The following PRKCA variants were observed in gnomAD, a reference collection of about 807,000 sequenced individuals.
PRKCA encodes protein kinase C alpha.
A neutral mutation model predicts 87.0 loss-of-function variants in PRKCA; 27 were observed. That is an observed-to-expected ratio of 0.31 (90% CI 0.23 to 0.43). The LOEUF (loss-of-function observed/expected upper bound fraction) is 0.43. PRKCA is among the 20% of genes least tolerant of loss of function. The pLI, the probability that PRKCA is intolerant of heterozygous loss-of-function variation, is 1.00. For synonymous variants in PRKCA, 329 were observed against 311.1 expected (o/e 1.06, Z -0.61); for missense variants, 518 against 852.3 (o/e 0.61, Z 4.88).
intron 5 of PRKCA, among the ~76,000 whole-genome samples, chr17:66,674,072 C>G (rs985778670): frequency 1.3e-5 from 2 of 152,182 alleles, no homozygotes; most frequent in African/African-American, 4.8e-5. Flanking sequence ...GTTAGCATTC[C>G]GGTCATTCAG....
rs148367198 is a variant in PRKCA at position 66,440,736 on chromosome 17, A to G, written c.206-55465A>G. Among the ~76,000 whole-genome samples, 464 of 152,218 alleles carry G rather than the reference A, an allele frequency of 3.0e-3. 3 individuals carry two copies. The highest frequency in any genetic ancestry group is 0.01 in the African/African-American group (427 of 41,544). On this transcript the variant is annotated intron_variant, in intron 2 of 16. Coordinates refer to ENST00000413366, the MANE Select transcript of PRKCA (RefSeq NM_002737.3). The stretch of plus-strand genomic sequence containing the variant: ...GACACTCTTCAAGATCCCAGCACTT[A>G]AAAGATTGGTTGGGCATGATGACTC...
intron 2 of PRKCA, among the ~76,000 whole-genome samples, chr17:66,310,916 A>G (rs1208041846): frequency 6.6e-6 from 1 of 152,206 alleles, no homozygotes; most frequent in Non-Finnish European, 1.5e-5. Context: ...GAGGTAGGCC[A>G]GATTGAGCAG....
intron 12 of PRKCA, among the ~76,000 whole-genome samples, chr17:66,742,132 A>G (rs1309864313): frequency 1.3e-5 from 2 of 152,204 alleles, no homozygotes; most frequent in Non-Finnish European, 2.9e-5. Context: ...CTGTGCTGAA[A>G]GTCTGGTGCC....
intron 3 of PRKCA, among the ~76,000 whole-genome samples, chr17:66,595,358 C>T (rs1408147940): frequency 3.3e-5 from 5 of 151,890 alleles, no homozygotes; most frequent in African/African-American, 1.2e-4. Context: ...TTCGCAAGTA[C>T]ATCAGTCGTT....
chr17:66,458,342 C>T (rs1321410204), intron 2 of PRKCA, among the ~76,000 whole-genome samples: 2 of 152,126 alleles, frequency 1.3e-5, no homozygotes, highest in Admixed American at 1.3e-4. Context: ...AAAAAGTCTA[C>T]AGCTTCCTGG....
At chr17:66,316,881 G>A (rs967504814) in intron 2 of PRKCA, among the ~76,000 whole-genome samples, 4 of 152,086 alleles carry the variant, frequency 2.6e-5, no homozygotes, top group Non-Finnish European at 5.9e-5. Flanking sequence ...GGTGGCTCAC[G>A]CCTGTAATCC....
At position 66,630,171 on chromosome 17, in the gene PRKCA, A is replaced by G. The variant is rs867128942; in HGVS notation, c.289-11184A>G. ...CCAATTGAATGGGCAAAGAAATACAATATTTGAATGACTTTTTCCTTAGAG... is the reference window on the plus strand; with the variant it reads ...CCAATTGAATGGGCAAAGAAATACAGTATTTGAATGACTTTTTCCTTAGAG... On this transcript the variant is annotated intron_variant, in intron 3 of 16. Coordinates refer to ENST00000413366, the MANE Select transcript of PRKCA (RefSeq NM_002737.3). Among the ~76,000 whole-genome samples the G allele has an allele frequency of 3.3e-5, 5 of 152,364 alleles. No homozygotes were observed. The South Asian group carries it at 1.0e-3, about 32-fold the overall frequency.
intron 2 of PRKCA, among the ~76,000 whole-genome samples, chr17:66,341,211 G>C (rs1907023166): frequency 6.6e-6 from 1 of 152,092 alleles, no homozygotes; most frequent in Non-Finnish European, 1.5e-5. Context: ...CAAATTTTGG[G>C]ATATGGCAAG....
intron 3 of PRKCA, among the ~76,000 whole-genome samples, chr17:66,589,829 A>G (rs937795198): frequency 1.1e-4 from 16 of 151,992 alleles, no homozygotes; most frequent in African/African-American, 2.7e-4. Context: ...ATGGAAGACA[A>G]TTTTTCCATG....
intron 2 of PRKCA, among the ~76,000 whole-genome samples, chr17:66,335,751 A>T (rs940712006): frequency 1.1e-4 from 16 of 152,092 alleles, no homozygotes; most frequent in Non-Finnish European, 2.2e-4. Flanking sequence ...ATTTTTAGCC[A>T]CTGTCATTTT....
At position 66,373,938 on chromosome 17, in the gene PRKCA, G is replaced by A. The variant is rs1043545095; in HGVS notation, c.205+67811G>A. Among the ~76,000 whole-genome samples, 11 of 152,148 alleles carry A rather than the reference G, an allele frequency of 7.2e-5. No homozygotes were observed. The East Asian group carries it at 1.7e-3, about 24-fold the overall frequency. ...GAGTTAATAAGGAGCCCAGTGCACC[G>A]GTGATCAGCTACTTTATTTCCAGAA... On this transcript the variant is annotated intron_variant, in intron 2 of 16. Coordinates refer to ENST00000413366, the MANE Select transcript of PRKCA (RefSeq NM_002737.3).
At chr17:66,769,263 G>A (rs904746148) in intron 13 of PRKCA, among the ~76,000 whole-genome samples, 6 of 152,124 alleles carry the variant, frequency 3.9e-5, no homozygotes, top group Admixed American at 3.3e-4. Context: ...GAGGCTGGGT[G>A]GGAGGATTGC....
At chr17:66,658,129 G>A (rs991160896) in intron 5 of PRKCA, among the ~76,000 whole-genome samples, 1 of 152,148 alleles carries the variant, frequency 6.6e-6, no homozygotes, top group Non-Finnish European at 1.5e-5. Context: ...TCTTCACGTG[G>A]CGGCAGGAAG....
In PRKCA at chr17:66,372,648, G is replaced by A. The variant is rs542854301; in HGVS notation, c.205+66521G>A. Among the ~76,000 whole-genome samples, 8 of 152,222 alleles carry A rather than the reference G, an allele frequency of 5.3e-5. No individual in the cohort carries two copies. The East Asian group carries it at 1.5e-3, about 29-fold the overall frequency. On this transcript the variant is annotated intron_variant, in intron 2 of 16. Coordinates refer to ENST00000413366, the MANE Select transcript of PRKCA (RefSeq NM_002737.3). The stretch of plus-strand genomic sequence containing the variant: ...AACTATGTAAGTATATTCTTTTTCA[G>A]CAGTTTTCTCTGGGGAGTTTCCTAA...
intron 2 of PRKCA, among the ~76,000 whole-genome samples, chr17:66,383,445 G>C (rs16959102): frequency 0.15 from 22,080 of 151,812 alleles, 1,781 homozygotes; most frequent in East Asian, 0.28. Flanking sequence ...GTATGTGTTT[G>C]ATTAGTAATG....
intron 2 of PRKCA, among the ~76,000 whole-genome samples, chr17:66,449,541 C>T (rs997335619): frequency 4.6e-5 from 7 of 152,222 alleles, no homozygotes; most frequent in African/African-American, 1.4e-4. Flanking sequence ...CCAGATAGCT[C>T]ATCTTCACGA....
At chr17:66,453,598 G>T (rs554665925) in intron 2 of PRKCA, among the ~76,000 whole-genome samples, 1 of 152,206 alleles carries the variant, frequency 6.6e-6, no homozygotes, top group South Asian at 2.1e-4. Flanking sequence ...GATTATAGAC[G>T]TGAGCCACTG....
At position 66,469,375 on chromosome 17, in the gene PRKCA, CAA is replaced by C. The variant is rs1194147648; in HGVS notation, c.206-26823_206-26822del. 4.6e-5 allele frequency among the ~76,000 whole-genome samples: 7 copies of C among 152,122 alleles called. No individual in the cohort carries two copies. In the East Asian group the frequency reaches 1.4e-3, roughly 29 times the overall value. On this transcript the variant is annotated intron_variant, in intron 2 of 16. Transcript: ENST00000413366. ...TGTGTTTCTTAAAAACAAAACAAAA[CAA>C]AACTTTTAGTGACATATGCTCATTG... is the stretch of plus-strand genomic sequence containing the variant.
chr17:66,499,644 C>T (rs897454094), intron 3 of PRKCA, among the ~76,000 whole-genome samples: 5 of 152,070 alleles, frequency 3.3e-5, no homozygotes, highest in South Asian at 2.1e-4. Context: ...ATGCTTGGTG[C>T]GAAATATAAC....
Sources: gnomAD v4.1 joint callset for allele counts (sites outside exome capture counted in the v4.1 genomes callset) on GRCh38, gnomAD v4.1.1 for gene constraint, MANE v1.5 for transcripts, NCBI Gene and HGNC (gene_info 2026-07-23, HGNC 2026-07-21) for gene names.